LDLRAD3: variants seen among roughly 807,000 people sequenced by gnomAD.
The protein encoded by LDLRAD3 is low-density lipoprotein receptor class A domain-containing protein 3.
LDLRAD3 carries 20 observed loss-of-function variants against 29.4 expected under a neutral mutation model. The observed-to-expected ratio is 0.68, with a 90% confidence interval of 0.48 to 0.99. The LOEUF (loss-of-function observed/expected upper bound fraction) is 0.99, where lower values mean the gene tolerates loss of function less well. LDLRAD3 is among the 50% of genes least tolerant of loss of function. The pLI, the probability that LDLRAD3 is intolerant of heterozygous loss-of-function variation, is 0.00. For synonymous variants in LDLRAD3, 157 were observed against 192.7 expected (o/e 0.81, Z 1.53); for missense variants, 420 against 454.3 (o/e 0.92, Z 0.69).
At chr11:36,067,267 A>T (rs1852809885) in intron 2 of LDLRAD3, among the ~76,000 whole-genome samples, 1 of 152,188 alleles carries the variant, frequency 6.6e-6, no homozygotes, top group Non-Finnish European at 1.5e-5. Context: ...AGTGTCTGAA[A>T]TGATAATAAT....
chr11:36,166,245 G>A (rs4612777), intron 4 of LDLRAD3, among the ~76,000 whole-genome samples: 10,449 of 152,156 alleles, frequency 0.069, 571 homozygotes, highest in East Asian at 0.32. Flanking sequence ...TATGGATCTG[G>A]AAATGAAACA....
intron 2 of LDLRAD3, among the ~76,000 whole-genome samples, chr11:36,069,615 C>T (rs1852860456): frequency 6.6e-6 from 1 of 150,642 alleles, no homozygotes; most frequent in African/African-American, 2.4e-5. Context: ...GTTCATAGCA[C>T]ATTTTTTTAT....
At chr11:36,139,672 C>T (rs1447322972) in intron 4 of LDLRAD3, among the ~76,000 whole-genome samples, 1 of 152,180 alleles carries the variant, frequency 6.6e-6, no homozygotes, top group Non-Finnish European at 1.5e-5. Flanking sequence ...TGCGCTTCCC[C>T]ATAAACCACC....
intron 4 of LDLRAD3, 48 bp from the exon 5 acceptor site, chr11:36,227,037 C>A (rs751705397): frequency 5.6e-6 from 8 of 1,419,654 alleles, no homozygotes; most frequent in Non-Finnish European, 7.7e-6. Flanking sequence ...CAAAGATTAG[C>A]CAAACTGGTA....
chr11:36,075,309 C>CCTTGGCCTTTTTATCCTTTT (rs1474680931), intron 2 of LDLRAD3, among the ~76,000 whole-genome samples: 88 of 35,554 alleles, frequency 2.5e-3, no homozygotes, highest in Non-Finnish European at 5.5e-3. Flanking sequence ...ATATGCCTTT[C>CCTTGGCCTTTTTATCCTTTT]ACTGTAAGAA....
chr11:36,189,576 CT>C (rs141355514), intron 4 of LDLRAD3, among the ~76,000 whole-genome samples: 5 of 150,970 alleles, frequency 3.3e-5, no homozygotes, highest in African/African-American at 7.3e-5. Context: ...CACGAATTTA[CT>C]TTTTTTTTAT....
intron 1 of LDLRAD3, among the ~76,000 whole-genome samples, chr11:36,033,178 C>T (rs1852260216): frequency 6.6e-6 from 1 of 152,158 alleles, no homozygotes; most frequent in Non-Finnish European, 1.5e-5. Flanking sequence ...CGGCCCTCCT[C>T]ATGCTTTGAG....
chr11:36,040,150 T>A (rs1478350418), intron 2 of LDLRAD3, among the ~76,000 whole-genome samples: 1 of 137,450 alleles, frequency 7.3e-6, no homozygotes, highest in Non-Finnish European at 1.6e-5. Context: ...AGCTTTGGCA[T>A]TGGAAAGATA....
intron 1 of LDLRAD3, among the ~76,000 whole-genome samples, chr11:36,009,869 C>T (rs1156588783): frequency 6.6e-6 from 1 of 152,154 alleles, no homozygotes; most frequent in African/African-American, 2.4e-5. Flanking sequence ...AAATCTGTAA[C>T]CAGTATCAGG....
At chr11:35,983,998 G>A (rs1429503253) in intron 1 of LDLRAD3, among the ~76,000 whole-genome samples, 1 of 152,138 alleles carries the variant, frequency 6.6e-6, no homozygotes, top group Non-Finnish European at 1.5e-5. Context: ...AGAAGAAAAA[G>A]TTTGCTAATG....
At position 36,171,035 on chromosome 11, in the gene LDLRAD3, C is replaced by T. The variant is rs183598839; in HGVS notation, c.455-56050C>T. 1.5e-3 allele frequency among the ~76,000 whole-genome samples: 231 copies of T among 152,206 alleles called. 1 individual carries two copies. The highest frequency in any genetic ancestry group is 8.5e-4 in the Non-Finnish European group (58 of 67,986). Reference sequence around the variant, plus strand: ...CAGGATGGTATCGATCTCTTGACTTCGTGATCCACCTGTCTTGGCCTCCCA... The same window carrying T: ...CAGGATGGTATCGATCTCTTGACTTTGTGATCCACCTGTCTTGGCCTCCCA... On this transcript the variant is annotated intron_variant, in intron 4 of 5. Transcript: ENST00000315571.
At chr11:35,993,642 G>A (rs1226676003) in intron 1 of LDLRAD3, among the ~76,000 whole-genome samples, 2 of 148,482 alleles carry the variant, frequency 1.3e-5, no homozygotes, top group East Asian at 2.0e-4. Context: ...CCCTGACTGC[G>A]CAGTCCTGGC....
intron 4 of LDLRAD3, among the ~76,000 whole-genome samples, chr11:36,108,790 A>T (rs1219607443): frequency 6.6e-6 from 1 of 152,164 alleles, no homozygotes; most frequent in Non-Finnish European, 1.5e-5. Context: ...CTAGATGGTA[A>T]AGCACTAAAA....
chr11:36,009,493 G>A (rs182607054), intron 1 of LDLRAD3, among the ~76,000 whole-genome samples: 54 of 152,192 alleles, frequency 3.5e-4, no homozygotes, highest in African/African-American at 1.1e-3. Flanking sequence ...GTTTCTATCC[G>A]AATAGAAATG....
chr11:36,130,673 G>C (rs1282158251), intron 4 of LDLRAD3, among the ~76,000 whole-genome samples: 1 of 152,144 alleles, frequency 6.6e-6, no homozygotes, highest in Non-Finnish European at 1.5e-5. Context: ...AGTCATTCAG[G>C]CTTCATCAAG....
intron 4 of LDLRAD3, among the ~76,000 whole-genome samples, chr11:36,113,564 T>C (rs370561594): frequency 7.9e-5 from 12 of 152,288 alleles, no homozygotes; most frequent in Non-Finnish European, 1.8e-4. Flanking sequence ...TCATGACATA[T>C]TCACATGACC....
chr11:36,114,695 A>C (rs1269486369), intron 4 of LDLRAD3, among the ~76,000 whole-genome samples: 2 of 151,664 alleles, frequency 1.3e-5, no homozygotes, highest in East Asian at 3.9e-4. Context: ...TTTTCCTCAA[A>C]CTCGTTTTGG....
At chr11:35,975,553 A>G (rs1851465070) in intron 1 of LDLRAD3, among the ~76,000 whole-genome samples, 1 of 152,166 alleles carries the variant, frequency 6.6e-6, no homozygotes, top group African/African-American at 2.4e-5. Flanking sequence ...TAATGCTTCC[A>G]TTTCCTTTCC....
chr11:36,061,051 G>C (rs1186830690), intron 2 of LDLRAD3, among the ~76,000 whole-genome samples: 1 of 152,168 alleles, frequency 6.6e-6, no homozygotes, highest in Non-Finnish European at 1.5e-5. Context: ...AGCCTAAGTG[G>C]GGTAAAGTCC....
Sources: allele counts gnomAD v4.1 joint callset (sites outside exome capture counted in the v4.1 genomes callset), GRCh38; gene constraint gnomAD v4.1.1; transcripts MANE v1.5; gene names NCBI Gene and HGNC (gene_info 2026-07-23, HGNC 2026-07-21).